The following FOXN1 variants were observed in gnomAD, a reference collection of about 807,000 sequenced individuals.
FOXN1 encodes forkhead box N1, also known as forkhead box protein N1.
A neutral mutation model predicts 49.0 loss-of-function variants in FOXN1; 15 were observed. The ratio of observed to expected loss-of-function variants is 0.31; its 90% confidence interval spans 0.20 to 0.47. The LOEUF is 0.47. Among genes scored for constraint, FOXN1 ranks in the 20% least tolerant of loss-of-function variants. The probability of loss-of-function intolerance (pLI) is 1.00; values close to 1 mark genes in which losing one functional copy is unlikely to be tolerated. For synonymous variants in FOXN1, 356 were observed against 369.0 expected (o/e 0.96, Z 0.40); for missense variants, 800 against 842.8 (o/e 0.95, Z 0.63).
chr17:28,521,662 G>A (rs1196794326), intron 1 of FOXN1, among the ~76,000 whole-genome samples: 2 of 152,344 alleles, frequency 1.3e-5, no homozygotes, highest in Non-Finnish European at 1.5e-5. Flanking sequence ...TTGAAGGGGC[G>A]GGAGAGCCTC....
Position 28,530,158 on chromosome 17 carries a change from A to T in FOXN1, c.831-591A>T, listed in dbSNP as rs1223235987. 2.6e-5 allele frequency among the ~76,000 whole-genome samples: 4 copies of T among 152,166 alleles called. No homozygotes were observed. The East Asian group carries it at 7.7e-4, about 29-fold the overall frequency. On this transcript the variant is annotated intron_variant, in intron 5 of 8. Coordinates refer to ENST00000579795, the MANE Select transcript of FOXN1 (RefSeq NM_001369369.1). Reference sequence around the variant, plus strand: ...TGTAACAAACCTGCACGTACTGTACATGTATCCCAGAACTTAAAGTATAAT... The same window carrying T: ...TGTAACAAACCTGCACGTACTGTACTTGTATCCCAGAACTTAAAGTATAAT...
chr17:28,534,869 T>G lies in FOXN1; in HGVS notation c.1298T>G (p.Ile433Ser), dbSNP rs774493152. 6 of 1,613,852 alleles carry G rather than the reference T, an allele frequency of 3.7e-6. No homozygotes were observed. In the East Asian group the frequency reaches 1.3e-4, roughly 36 times the overall value. The change falls in exon 8 of 9, where the codon ATT becomes AGT. Residue 433 changes from isoleucine to serine, a missense_variant. Coordinates refer to ENST00000579795, the MANE Select transcript of FOXN1 (RefSeq NM_001369369.1). This position sits in a 1 kb window ranked among gnomAD's most constrained non-coding sequence, Gnocchi z 4.1. Reference protein sequence around the residue: ...LHSLHPAPGPIPGKNPLQDLL... With the variant: ...LHSLHPAPGPSPGKNPLQDLL... ...TCACTCCACCCAGCTCCAGGCCCCA[T>G]TCCTGGCAAGAACCCCCTGCAGGAC...
rs1158766652 is a variant in FOXN1 at position 28,534,067 on chromosome 17, T to G, written c.928-264T>G. Among the ~76,000 whole-genome samples the G allele has an allele frequency of 3.9e-5, 6 of 152,122 alleles. No homozygotes were observed. The highest frequency in any genetic ancestry group is 1.4e-4 in the African/African-American group (6 of 41,418). On this transcript the variant is annotated intron_variant, in intron 6 of 8. Transcript: ENST00000579795. This position sits in a 1 kb window ranked among gnomAD's most constrained non-coding sequence, Gnocchi z 4.1. Reference sequence around the variant, plus strand: ...CTGGCTTTCCGAATCACCTCGGCAGTCCTCTGAGGGGTCAGGAAGGGATGC... The same window carrying G: ...CTGGCTTTCCGAATCACCTCGGCAGGCCTCTGAGGGGTCAGGAAGGGATGC...
intron 1 of FOXN1, among the ~76,000 whole-genome samples, chr17:28,511,241 A>AC (rs2069390571): frequency 6.6e-6 from 1 of 152,224 alleles, no homozygotes; most frequent in African/African-American, 2.4e-5. Flanking sequence ...GTGCACCAGT[A>AC]TGTATTTGCC....
rs2069994397 is a variant in FOXN1, at chr17:28,534,337, C to T, written c.934C>T (p.Pro312Ser). The change falls in exon 7 of 9, where the codon CCC (proline) becomes TCC (serine). Residue 312 changes from proline (P) to serine (S), a missense_variant. Coordinates refer to ENST00000579795, the MANE Select transcript of FOXN1 (RefSeq NM_001369369.1). This position sits in a 1 kb window ranked among gnomAD's most constrained non-coding sequence, Gnocchi z 4.1. ...TCTTGCTCTGTTCCGGCAGACAGCA[C>T]CCGATGGCTGGAAGAATTCTGTCCG... ...TEHFPYFKTA[P>S]DGWKNSVRHN... The T allele has an allele frequency of 1.2e-6, 2 of 1,614,116 alleles. No homozygotes were observed. The highest frequency in any genetic ancestry group is 1.7e-6 in the Non-Finnish European group (2 of 1,180,000).
At chr17:28,520,628 A>C (rs2069622651) in intron 1 of FOXN1, among the ~76,000 whole-genome samples, 1 of 152,220 alleles carries the variant, frequency 6.6e-6, no homozygotes, top group Non-Finnish European at 1.5e-5. Flanking sequence ...CAAGGCTATG[A>C]AAGTCATGGC....
intron 1 of FOXN1, among the ~76,000 whole-genome samples, chr17:28,510,460 G>C (rs1227117192): frequency 6.6e-6 from 1 of 151,488 alleles, no homozygotes; most frequent in African/African-American, 2.4e-5. Flanking sequence ...CCTGGAGACA[G>C]TTGGAGGTCC....
At chr17:28,523,021 A>C (rs2069672999) in intron 1 of FOXN1, among the ~76,000 whole-genome samples, 1 of 152,210 alleles carries the variant, frequency 6.6e-6, no homozygotes, top group Admixed American at 6.5e-5. Context: ...ATGACGCTGA[A>C]GTTCAGAGAG....
intron 3 of FOXN1, 100 bp from the exon 4 acceptor site, chr17:28,527,151 G>A: frequency 1.3e-6 from 1 of 774,246 alleles, no homozygotes; most frequent in Non-Finnish European, 2.3e-6. Flanking sequence ...AGCTTTGGGG[G>A]AAGCAGAATA....
chr17:28,514,855 C>G (rs2069463244), intron 1 of FOXN1, among the ~76,000 whole-genome samples: 1 of 152,230 alleles, frequency 6.6e-6, no homozygotes, highest in South Asian at 2.1e-4. Flanking sequence ...GAGGCAGGGA[C>G]AGACCCTCCC....
At chr17:28,509,994 G>A (rs2069355110) in intron 1 of FOXN1, among the ~76,000 whole-genome samples, 1 of 152,154 alleles carries the variant, frequency 6.6e-6, no homozygotes, top group Non-Finnish European at 1.5e-5. Context: ...GTGATCTCTT[G>A]GGGAACTTGA....
chr17:28,519,420 AGC>A (rs2069595785), intron 1 of FOXN1, among the ~76,000 whole-genome samples: 1 of 151,780 alleles, frequency 6.6e-6, no homozygotes, highest in Non-Finnish European at 1.5e-5. Flanking sequence ...TGCCAGTGAG[AGC>A]CTCAGCCTCT....
chr17:28,516,250 A>G (rs921202390), intron 1 of FOXN1, among the ~76,000 whole-genome samples: 3 of 150,992 alleles, frequency 2.0e-5, no homozygotes, highest in Admixed American at 6.6e-5. Context: ...GAGGATACAC[A>G]TCTCCACAGA....
rs1043026957 is a variant in FOXN1, at chr17:28,537,433, A to G, written c.1944A>G (p.Ala648=). The G allele has an allele frequency of 8.1e-6, 13 of 1,612,046 alleles. No homozygotes were observed. The highest frequency in any genetic ancestry group is 1.0e-5 in the Non-Finnish European group (12 of 1,178,758). The change falls in exon 9 of 9, where the codon GCA becomes GCG. Residue 648 remains alanine, a synonymous_variant. Coordinates refer to ENST00000579795, the MANE Select transcript of FOXN1 (RefSeq NM_001369369.1). ...LSPSSKPVAL[A] is the part of the protein sequence containing the mutation. ...CCAGCTCCAAGCCCGTGGCCCTGGC[A>G]TGAGCTGTGCCCAGCTTCGTCAGCT...
In FOXN1 at chr17:28,535,031, C is replaced by G. The variant is rs1363544404; in HGVS notation, c.1460C>G (p.Thr487Ser). Residue 487 changes from threonine to serine, a missense_variant, in exon 8 of 9, where the codon ACC becomes AGC. Coordinates refer to ENST00000579795, the MANE Select transcript of FOXN1 (RefSeq NM_001369369.1). ...GHLELRAQPG[T>S]PQDSPLPAHT... ...CTTGAGCTGCGGGCCCAGCCAGGCACCCCCCAGGACTCGCCTCTGCCTGCC... is the reference window on the plus strand; with the variant it reads ...CTTGAGCTGCGGGCCCAGCCAGGCAGCCCCCAGGACTCGCCTCTGCCTGCC... The G allele has an allele frequency of 4.3e-6, 7 of 1,612,722 alleles. No homozygotes were observed. Among genetic ancestry groups the G allele is most frequent in the African/African-American group, 1.3e-5 (1 of 74,918 alleles).
Position 28,524,820 on chromosome 17 carries a change from C to G in FOXN1, c.441C>G (p.His147Gln). 1 of 1,613,786 alleles carries G rather than the reference C, an allele frequency of 6.2e-7. No homozygotes were observed. Among genetic ancestry groups the G allele is most frequent in the South Asian group, 1.1e-5 (1 of 91,088 alleles). The change falls in exon 3 of 9, where the codon CAC becomes CAG. Residue 147 changes from histidine (H) to glutamine (Q), a missense_variant. By Grantham distance (24) the His-to-Gln change is conservative (BLOSUM62 0). This residue lies in a region of FOXN1 where 383 missense variants were observed against 357.9 expected (regional missense o/e 1.07). Transcript: ENST00000579795. ...EAETTLALKG[H>Q]SFKTPGPLEA... ...AGACCACCCTGGCCCTCAAAGGACA[C>G]TCCTTTAAGACCCCAGGGCCGCTGG...
intron 1 of FOXN1, among the ~76,000 whole-genome samples, chr17:28,516,170 C>G: frequency 6.6e-6 from 1 of 151,328 alleles, no homozygotes; most frequent in Non-Finnish European, 1.5e-5. Context: ...TCCATACCTC[C>G]ACAGGGTACA....
chr17:28,534,771 G>A lies in FOXN1; in HGVS notation c.1200G>A (p.Pro400=), dbSNP rs143111080. Residue 400 remains proline (P), a synonymous_variant, in exon 8 of 9, where the codon CCG becomes CCA. Coordinates refer to ENST00000579795, the MANE Select transcript of FOXN1 (RefSeq NM_001369369.1). This position sits in a 1 kb window ranked among gnomAD's most constrained non-coding sequence, Gnocchi z 4.1. ...EKLGSPLLGC[P]PPGLSGSGPI... Reference sequence around the variant, plus strand: ...TGGGCTCCCCACTCCTGGGCTGTCCGCCCCCTGGGCTGTCCGGCTCAGGCC... The same window carrying A: ...TGGGCTCCCCACTCCTGGGCTGTCCACCCCCTGGGCTGTCCGGCTCAGGCC... 1.3e-4 allele frequency: 207 copies of A among 1,613,034 alleles called. No individual in the cohort carries two copies. Among genetic ancestry groups the A allele is most frequent in the Non-Finnish European group, 1.2e-4 (147 of 1,179,482 alleles).
chr17:28,537,200 A>G lies in FOXN1; in HGVS notation c.1711A>G (p.Met571Val), dbSNP rs757144288. Reference sequence around the variant, plus strand: ...GACCTCATCCCCGACATCATCTTCGATGCCACCACCCCAGCCACCACCTCA... The same window carrying G: ...GACCTCATCCCCGACATCATCTTCGGTGCCACCACCCCAGCCACCACCTCA... ...LVTSSPTSSSMPPPQPPPHCF... is the reference protein window; with the variant it reads ...LVTSSPTSSSVPPPQPPPHCF... Residue 571 changes from methionine (M) to valine (V), a missense_variant, in exon 9 of 9, where the codon ATG (methionine) becomes GTG (valine). Transcript: ENST00000579795. The G allele has an allele frequency of 4.6e-5, 75 of 1,613,696 alleles. No individual in the cohort carries two copies. Among genetic ancestry groups the G allele is most frequent in the Non-Finnish European group, 5.8e-5 (69 of 1,179,820 alleles).
Sources: gnomAD v4.1 joint callset for allele counts (sites outside exome capture counted in the v4.1 genomes callset) on GRCh38, gnomAD v4.1.1 for gene constraint, gnomAD v4.1.1 regional missense constraint, Gnocchi (gnomAD v3.1) non-coding constraint, MANE v1.5 for transcripts, NCBI Gene and HGNC (gene_info 2026-07-23, HGNC 2026-07-21) for gene names.